The following HSPBAP1 variants were observed in gnomAD, a reference collection of about 807,000 sequenced individuals.
HSPBAP1 encodes HSPB1-associated protein 1.
HSPBAP1 carries 27 observed loss-of-function variants against 45.2 expected under a neutral mutation model. That is an observed-to-expected ratio of 0.60 (90% CI 0.44 to 0.82). HSPBAP1 has a LOEUF of 0.82. Among genes scored for constraint, HSPBAP1 ranks in the 40% least tolerant of loss-of-function variants. The probability of loss-of-function intolerance (pLI) is 0.00; values close to 1 mark genes in which losing one functional copy is unlikely to be tolerated. For synonymous variants in HSPBAP1, 204 were observed against 202.7 expected (o/e 1.01, Z -0.06); for missense variants, 510 against 590.9 (o/e 0.86, Z 1.42).
At chr3:122,785,900 C>CGT (rs34416935) in intron 1 of HSPBAP1, among the ~76,000 whole-genome samples, 7,809 of 149,796 alleles carry the variant, frequency 0.052, 267 homozygotes, top group Middle Eastern at 0.1. Context: ...CATGTGTGTG[C>CGT]GTGTGTGTGT....
chr3:122,783,373 G>C (rs1576275443), intron 1 of HSPBAP1, among the ~76,000 whole-genome samples: 1 of 152,152 alleles, frequency 6.6e-6, no homozygotes, highest in Non-Finnish European at 1.5e-5. Context: ...TCCTGGACTT[G>C]ATGTGCCTGG....
intron 1 of HSPBAP1, among the ~76,000 whole-genome samples, chr3:122,780,257 G>A (rs1576271233): frequency 4.5e-5 from 4 of 89,206 alleles, no homozygotes; most frequent in African/African-American, 1.7e-4. Flanking sequence ...CCTCCCTCCC[G>A]GACGGGGCGG....
chr3:122,779,531 A>C lies in HSPBAP1; in HGVS notation c.65-1625T>G, dbSNP rs1034679475. On this transcript the variant is annotated intron_variant, in intron 1 of 7. Transcript: ENST00000306103. The stretch of plus-strand genomic sequence containing the variant: ...TTATTTATTTATTTATTTTTTATTG[A>C]TCATTCTTGGGTGTTTCTCGCAGAG... Among the ~76,000 whole-genome samples, 6 of 65,976 alleles carry C rather than the reference A, an allele frequency of 9.1e-5. No homozygotes were observed. The East Asian group carries it at 1.8e-3, about 20-fold the overall frequency. 43.3% of individuals were successfully genotyped at this position (65,976 alleles called of 152,430 possible).
At chr3:122,763,190 T>G (rs1446042216) in intron 3 of HSPBAP1, among the ~76,000 whole-genome samples, 1 of 152,240 alleles carries the variant, frequency 6.6e-6, no homozygotes, top group Non-Finnish European at 1.5e-5. Context: ...AAAGGAGTAC[T>G]TACTATATGA....
At chr3:122,778,031 TAC>T (rs1328107830) in intron 1 of HSPBAP1, 125 bp from the exon 2 acceptor site, 1 of 658,514 alleles carries the variant, frequency 1.5e-6, no homozygotes, top group Non-Finnish European at 2.6e-6. Context: ...CAATAATGTA[TAC>T]GTCATTTACT....
chr3:122,780,735 G>A (rs1185712223), intron 1 of HSPBAP1, among the ~76,000 whole-genome samples: 6 of 147,364 alleles, frequency 4.1e-5, no homozygotes, highest in Admixed American at 2.7e-4. Context: ...GCTGCCGGGC[G>A]GAGGGGCTCC....
At chr3:122,789,995 T>G (rs1935773961) in intron 1 of HSPBAP1, among the ~76,000 whole-genome samples, 1 of 152,062 alleles carries the variant, frequency 6.6e-6, no homozygotes, top group Non-Finnish European at 1.5e-5. Context: ...CCCAAGCAGC[T>G]GGAACTACAA....
At chr3:122,780,426 A>G (rs1576271703) in intron 1 of HSPBAP1, among the ~76,000 whole-genome samples, 1 of 97,380 alleles carries the variant, frequency 1.0e-5, no homozygotes, top group Non-Finnish European at 2.1e-5. Context: ...GGCCGGGCAG[A>G]GGGGCTCCTC....
chr3:122,781,053 A>C (rs1279368482), intron 1 of HSPBAP1, among the ~76,000 whole-genome samples: 1 of 138,220 alleles, frequency 7.2e-6, no homozygotes, highest in Non-Finnish European at 1.5e-5. Context: ...CGGGCAGAGA[A>C]GCTCCTCACT....
intron 1 of HSPBAP1, among the ~76,000 whole-genome samples, chr3:122,791,160 T>A (rs755746565): frequency 6.6e-6 from 1 of 152,234 alleles, no homozygotes; most frequent in Non-Finnish European, 1.5e-5. Flanking sequence ...AAGTACCTTG[T>A]CCTCCAGTCT....
intron 1 of HSPBAP1, 66 bp downstream of exon 1, chr3:122,793,551 G>C: frequency 6.9e-7 from 1 of 1,453,252 alleles, no homozygotes; most frequent in Non-Finnish European, 9.7e-7. Context: ...GGCCCCACGA[G>C]GGGTGCCACG....
intron 6 of HSPBAP1, among the ~76,000 whole-genome samples, chr3:122,743,439 G>A (rs1161477672): frequency 6.6e-6 from 1 of 152,158 alleles, no homozygotes; most frequent in Non-Finnish European, 1.5e-5. Context: ...GGTGGTGCAT[G>A]CCTTTAATCC....
Position 122,752,966 on chromosome 3 carries a change from T to C in HSPBAP1, c.742-292A>G, listed in dbSNP as rs1193348655. 7.3e-6 allele frequency: 8 copies of C among 1,090,610 alleles called. No individual in the cohort carries two copies. The African/African-American group carries it at 1.3e-4, about 18-fold the overall frequency. The allele number at this position is 1,090,610 out of a possible 1,614,324, so 67.6% of individuals were successfully genotyped here. A position where few individuals can be genotyped will look rare whatever the true frequency, so the allele number is the denominator to read the frequency against. ...ATCTTAGTACATGATTCTGAGATTC[T>C]AATTTTTCCTCCTTTCCGTCACAAA... On this transcript the variant is annotated intron_variant, in intron 5 of 7. Coordinates refer to ENST00000306103, the MANE Select transcript of HSPBAP1 (RefSeq NM_024610.6).
intron 1 of HSPBAP1, among the ~76,000 whole-genome samples, chr3:122,778,449 G>C (rs1369867005): frequency 6.6e-6 from 1 of 151,348 alleles, no homozygotes; most frequent in Non-Finnish European, 1.5e-5. Context: ...CGTCAAGCTA[G>C]ACATTTTTAT....
Position 122,740,821 on chromosome 3 carries a change from C to A in HSPBAP1, c.991G>T (p.Ala331Ser). Residue 331 changes from alanine (A) to serine (S), a missense_variant, in exon 8 of 8, where the codon GCA (alanine) becomes TCA (serine). Coordinates refer to ENST00000306103, the MANE Select transcript of HSPBAP1 (RefSeq NM_024610.6). ...GATGTTCTGCAGCGATCAAAAAATGCAGAAACAGCTGCATTTAAGTAGCAA... is the reference window on the plus strand; with the variant it reads ...GATGTTCTGCAGCGATCAAAAAATGAAGAAACAGCTGCATTTAAGTAGCAA... The part of the protein sequence containing the change: ...NCCYLNAAVS[A>S]FFDRCRTSEV... 1.9e-6 allele frequency: 3 copies of A among 1,614,110 alleles called. No individual in the cohort carries two copies. Among genetic ancestry groups the A allele is most frequent in the Non-Finnish European group, 2.5e-6 (3 of 1,180,030 alleles).
At chr3:122,791,054 T>G (rs1423573314) in intron 1 of HSPBAP1, among the ~76,000 whole-genome samples, 2 of 151,928 alleles carry the variant, frequency 1.3e-5, no homozygotes, top group Non-Finnish European at 2.9e-5. Flanking sequence ...ATCCAATTCC[T>G]GCCAGATACT....
At chr3:122,752,507 C>A in intron 6 of HSPBAP1, 84 bp downstream of exon 6, 2 of 751,040 alleles carry the variant, frequency 2.7e-6, no homozygotes, top group East Asian at 2.8e-5. Context: ...ATTAATTACC[C>A]AGTTGTACAG....
intron 6 of HSPBAP1, among the ~76,000 whole-genome samples, chr3:122,743,459 A>G (rs6438762): frequency 0.89 from 135,507 of 152,118 alleles, 60,366 homozygotes; most frequent in East Asian, 0.98. Context: ...CCAGCTACTC[A>G]GGAGGCTGAA....
At chr3:122,763,018 T>C (rs1263333141) in intron 3 of HSPBAP1, among the ~76,000 whole-genome samples, 1 of 152,234 alleles carries the variant, frequency 6.6e-6, no homozygotes, top group Non-Finnish European at 1.5e-5. Context: ...TCAGTTTTGT[T>C]CATGTATTTT....
Sources: gnomAD v4.1 joint callset for allele counts (sites outside exome capture counted in the v4.1 genomes callset) on GRCh38, gnomAD v4.1.1 for gene constraint, MANE v1.5 for transcripts, NCBI Gene and HGNC (gene_info 2026-07-23, HGNC 2026-07-21) for gene names.